Variants in FHL1 observed in about 807,000 individuals in gnomAD.
FHL1 encodes four and a half LIM domains protein 1.
In FHL1, 1 loss-of-function variant was observed where a neutral mutation model predicts 20.3. The ratio of observed to expected loss-of-function variants is 0.05; its 90% CI spans 0.02 to 0.23. The LOEUF is 0.23. Ranked by LOEUF, FHL1 falls within the 10% of genes least tolerant of loss-of-function variation. The probability of loss-of-function intolerance (pLI) is 1.00; values close to 1 mark genes in which losing one functional copy is unlikely to be tolerated. For missense variants in FHL1, 177 were observed against 234.0 expected, an observed-to-expected ratio of 0.76 and a Z score of 1.59; for synonymous variants, 82 against 88.9, an observed-to-expected ratio of 0.92 and a Z score of 0.44.
upstream of FHL1, among the ~76,000 whole-genome samples, chrX:136,192,875 G>A (rs1373325322): frequency 8.9e-6 from 1 of 111,880 alleles, no homozygotes; most frequent in Non-Finnish European, 1.9e-5. Flanking sequence ...TCTGGCAAGA[G>A]TACATAGGAC....
chrX:136,159,369 CT>C (rs2072505870), intron 1 of FHL1, among the ~76,000 whole-genome samples: 1 of 109,739 alleles, frequency 9.1e-6, no homozygotes, highest in African/African-American at 3.3e-5. Context: ...TGATGAAACC[CT>C]GTCTCTACTG....
intron 1 of FHL1, among the ~76,000 whole-genome samples, chrX:136,160,030 T>C (rs2072523890): frequency 8.9e-6 from 1 of 112,352 alleles, no homozygotes; most frequent in African/African-American, 3.2e-5. Context: ...AGCTCTACAG[T>C]AAACGTGTGT....
At chrX:136,196,462 C>T (rs1019988658), upstream of FHL1, among the ~76,000 whole-genome samples, 4 of 111,574 alleles carry the variant, frequency 3.6e-5, no homozygotes, top group Non-Finnish European at 7.5e-5. Flanking sequence ...GGCATAGTCT[C>T]CCCATCTTGT....
At position 136,186,873 on chromosome X, in the gene FHL1, TATATATATAG is replaced by T. The variant is rs1320906752; in HGVS notation, c.-27+16897_-27+16906del. On this transcript the variant is annotated intron_variant, in intron 2 of 6. Coordinates refer to the FHL1 transcript ENST00000394153. ...CATCTCAAAAAAAAAAAAATATATA[TATATATATAG>T]ATAGATAGATAGATAGATAGATAGA... is the stretch of plus-strand genomic sequence containing the variant. Among the ~76,000 whole-genome samples the T allele has an allele frequency of 8.7e-3, 89 of 10,205 alleles. 2 individuals carry two copies. The highest frequency in any genetic ancestry group is 0.014 in the African/African-American group (81 of 5,892). The allele number at this position is 10,205 out of a possible 115,157, so 8.9% of individuals were successfully genotyped here.
At chrX:136,169,644 G>A (rs1446883144) in exon 1 of FHL1, 2 of 271,626 alleles carry the variant, frequency 7.4e-6, no homozygotes, top group Non-Finnish European at 1.4e-5. Flanking sequence ...CCCTAACAAT[G>A]CTGAGTGTTT....
intron 1 of FHL1, among the ~76,000 whole-genome samples, chrX:136,160,979 A>G (rs1415693123): frequency 8.9e-6 from 1 of 111,935 alleles, no homozygotes; most frequent in Non-Finnish European, 1.9e-5. Flanking sequence ...TCAGCTTCAC[A>G]ATCGACACCA....
In FHL1 at chrX:136,151,813, A is replaced by G. The variant is rs1385148865; in HGVS notation, c.-101+4185A>G. ...CCATTTATGGCACTTACTCTGTGCC[A>G]GAGGACTTGTATACATTATATATTC... On this transcript the variant is annotated intron_variant, in intron 1 of 7. Coordinates refer to the FHL1 transcript ENST00000394155. Among the ~76,000 whole-genome samples the G allele has an allele frequency of 2.7e-5, 3 of 112,411 alleles. No homozygotes were observed. In the Admixed American group the frequency reaches 2.8e-4, roughly 11 times the overall value.
intron 1 of FHL1, among the ~76,000 whole-genome samples, chrX:136,152,117 G>A (rs2072279959): frequency 8.9e-6 from 1 of 112,033 alleles, no homozygotes; most frequent in Non-Finnish European, 1.9e-5. Context: ...TGGAGTAAGT[G>A]ACAAGGAGTA....
chrX:136,161,776 A>T (rs924447801), intron 1 of FHL1, among the ~76,000 whole-genome samples: 3 of 111,973 alleles, frequency 2.7e-5, no homozygotes, highest in African/African-American at 9.7e-5. Flanking sequence ...TACTCTAAGG[A>T]GAAGGCACTT....
At chrX:136,176,665 C>G (rs2148312612) in intron 2 of FHL1, among the ~76,000 whole-genome samples, 1 of 111,375 alleles carries the variant, frequency 9.0e-6, no homozygotes, top group South Asian at 3.8e-4. Flanking sequence ...TATGTTTGGA[C>G]TGAAAGATAC....
chrX:136,196,161 C>T (rs758413617), upstream of FHL1, among the ~76,000 whole-genome samples: 1 of 110,521 alleles, frequency 9.0e-6, no homozygotes, highest in Admixed American at 9.6e-5. Flanking sequence ...ACTCTGGGCA[C>T]AGGGGACAGT....
chrX:136,166,166 T>A (rs928758627), upstream of FHL1, among the ~76,000 whole-genome samples: 4 of 111,917 alleles, frequency 3.6e-5, no homozygotes, highest in Non-Finnish European at 7.5e-5. Flanking sequence ...TGCTTCAGCC[T>A]CACGACCCCA....
chrX:136,154,965 C>A (rs1335107430), intron 1 of FHL1, among the ~76,000 whole-genome samples: 1 of 112,266 alleles, frequency 8.9e-6, no homozygotes, highest in East Asian at 2.8e-4. Flanking sequence ...CCTCGGCCTC[C>A]CAAAGTGCTG....
chrX:136,189,103 T>C (rs1339035470), intron 2 of FHL1, among the ~76,000 whole-genome samples: 1 of 111,774 alleles, frequency 8.9e-6, no homozygotes, highest in African/African-American at 3.3e-5. Flanking sequence ...TAAACCCTTA[T>C]TTGTTGTGTT....
chrX:136,209,091 T>G, intron 5 of FHL1: 1 of 489,352 alleles, frequency 2.0e-6, no homozygotes, highest in Non-Finnish European at 3.3e-6. Context: ...GTTTGCTGTT[T>G]ATTTGTTTTT....
chrX:136,198,341 GAATAGTGACAGAAAGTTTAAAAGTTTA>G (rs2073614526), intron 1 of FHL1, among the ~76,000 whole-genome samples: 1 of 111,819 alleles, frequency 8.9e-6, no homozygotes, highest in African/African-American at 3.3e-5. Context: ...TTAAGTGACA[GAATAGTGACAGAAAGTTTAAAAGTTTA>G]AATAGTGACA....
chrX:136,207,311 A>G (rs2073869802), intron 3 of FHL1, 121 bp downstream of exon 3: 2 of 631,612 alleles, frequency 3.2e-6, no homozygotes, highest in South Asian at 2.8e-5. Flanking sequence ...CTTAGCATAT[A>G]TATGTACACA....
chrX:136,157,879 A>G (rs761277145), intron 1 of FHL1, among the ~76,000 whole-genome samples: 36 of 112,185 alleles, frequency 3.2e-4, no homozygotes, highest in African/African-American at 1.1e-3. Flanking sequence ...AATTGAAGAG[A>G]AATTACAGCC....
intron 1 of FHL1, among the ~76,000 whole-genome samples, chrX:136,201,954 T>G (rs1269150385): frequency 8.9e-6 from 1 of 112,380 alleles, no homozygotes; most frequent in Non-Finnish European, 1.9e-5. Flanking sequence ...TCTGGAAGAT[T>G]AAAGGCCTTC....
Sources: allele counts gnomAD v4.1 joint callset (sites outside exome capture counted in the v4.1 genomes callset), GRCh38; gene constraint gnomAD v4.1.1; transcripts MANE v1.5; gene names NCBI Gene and HGNC (gene_info 2026-07-23, HGNC 2026-07-21).